CDH19: variants seen among roughly 807,000 people sequenced by gnomAD.
CDH19 encodes the protein cadherin-19.
CDH19 carries 67 observed loss-of-function variants against 64.2 expected under a neutral mutation model. That is an observed-to-expected ratio of 1.04 (90% CI 0.86 to 1.28). The LOEUF is 1.28. CDH19 is among the 50% of genes most tolerant of loss of function. The pLI is 0.00. For synonymous variants in CDH19, 346 were observed against 319.3 expected, an observed-to-expected ratio of 1.08 and a Z score of -0.89; for missense variants, 1,030 against 929.0, an observed-to-expected ratio of 1.11 and a Z score of -1.41.
chr18:66,534,454 G>T (rs937821921), intron 8 of CDH19, among the ~76,000 whole-genome samples: 2 of 151,936 alleles, frequency 1.3e-5, no homozygotes, highest in East Asian at 3.9e-4. Flanking sequence ...AAAATTCTAT[G>T]TAAAATCAGC....
chr18:66,570,996 G>A (rs1239202798), intron 2 of CDH19, among the ~76,000 whole-genome samples: 2 of 151,652 alleles, frequency 1.3e-5, no homozygotes, highest in Non-Finnish European at 3.0e-5. Context: ...GCACCTAACT[G>A]TGGACCTTCT....
chr18:66,586,942 T>A (rs929845134), intron 1 of CDH19, among the ~76,000 whole-genome samples: 1 of 152,136 alleles, frequency 6.6e-6, no homozygotes, highest in Non-Finnish European at 1.5e-5. Context: ...ATTAACATTT[T>A]AATTTTATTA....
At chr18:66,545,318 C>T (rs990107336) in intron 5 of CDH19, among the ~76,000 whole-genome samples, 1 of 151,846 alleles carries the variant, frequency 6.6e-6, no homozygotes, top group Non-Finnish European at 1.5e-5. Context: ...TAGGGAATCC[C>T]GTATCTACCT....
intron 9 of CDH19, among the ~76,000 whole-genome samples, chr18:66,519,952 G>A (rs923414350): frequency 6.6e-6 from 1 of 152,130 alleles, no homozygotes; most frequent in East Asian, 1.9e-4. Context: ...TTGGGAGGCC[G>A]AGGCAGGCGG....
intron 1 of CDH19, among the ~76,000 whole-genome samples, chr18:66,588,639 G>T (rs201276339): frequency 0.2 from 20,623 of 105,608 alleles, 4,159 homozygotes; most frequent in Non-Finnish European, 0.32. Flanking sequence ...TATATATATA[G>T]ATACAGCTCA....
At chr18:66,560,543 G>GA (rs1161410910) in intron 3 of CDH19, among the ~76,000 whole-genome samples, 1 of 151,840 alleles carries the variant, frequency 6.6e-6, no homozygotes, top group Non-Finnish European at 1.5e-5. Context: ...AAGAAAAATA[G>GA]AGGGGGAAAA....
chr18:66,550,010 A>G (rs1987281330), intron 5 of CDH19, among the ~76,000 whole-genome samples: 1 of 152,120 alleles, frequency 6.6e-6, no homozygotes, highest in South Asian at 2.1e-4. Context: ...GATGAGGAAA[A>G]AAAAGTAATC....
chr18:66,583,591 T>C (rs1004715133), intron 1 of CDH19, among the ~76,000 whole-genome samples: 3 of 152,066 alleles, frequency 2.0e-5, no homozygotes, highest in East Asian at 3.9e-4. Context: ...AGACATGTGA[T>C]ATTTGGTTGC....
intron 8 of CDH19, among the ~76,000 whole-genome samples, chr18:66,533,461 A>C (rs540549015): frequency 1.3e-5 from 2 of 152,176 alleles, no homozygotes; most frequent in African/African-American, 4.8e-5. Context: ...TAAATAATTA[A>C]ATTGTATAAT....
At chr18:66,566,787 C>T (rs531714152) in intron 3 of CDH19, among the ~76,000 whole-genome samples, 32 of 151,818 alleles carry the variant, frequency 2.1e-4, no homozygotes, top group Non-Finnish European at 4.1e-4. Flanking sequence ...ATTTGCCAGC[C>T]GACTGCTTTT....
intron 3 of CDH19, among the ~76,000 whole-genome samples, chr18:66,566,335 G>C (rs372841879): frequency 2.8e-3 from 229 of 83,220 alleles, no homozygotes; most frequent in African/African-American, 0.011. Flanking sequence ...CTTTTACTTT[G>C]CTTCAAATAA....
At chr18:66,583,673 A>G (rs1988490080) in intron 1 of CDH19, among the ~76,000 whole-genome samples, 1 of 152,076 alleles carries the variant, frequency 6.6e-6, no homozygotes, top group Non-Finnish European at 1.5e-5. Flanking sequence ...CACGTAGACC[A>G]AGGAAACAGA....
chr18:66,518,127 G>A (rs915838692), intron 9 of CDH19, among the ~76,000 whole-genome samples: 5 of 151,836 alleles, frequency 3.3e-5, no homozygotes, highest in Non-Finnish European at 7.4e-5. Flanking sequence ...TTTGATTATC[G>A]ATTGAGGACT....
chr18:66,584,442 G>A (rs181315148), intron 1 of CDH19, among the ~76,000 whole-genome samples: 5 of 152,182 alleles, frequency 3.3e-5, no homozygotes, highest in Admixed American at 2.0e-4. Flanking sequence ...ATTGTGGAAA[G>A]CAGTAAGGCA....
At chr18:66,534,482 C>T (rs1986580678) in intron 8 of CDH19, among the ~76,000 whole-genome samples, 1 of 151,908 alleles carries the variant, frequency 6.6e-6, no homozygotes, top group African/African-American at 2.4e-5. Flanking sequence ...AAAGATGCAT[C>T]TGAGAATATT....
At chr18:66,522,433 A>C (rs1320334471) in intron 9 of CDH19, among the ~76,000 whole-genome samples, 1 of 151,960 alleles carries the variant, frequency 6.6e-6, no homozygotes, top group African/African-American at 2.4e-5. Flanking sequence ...TATTTTTAGT[A>C]GAGACGGGGG....
At chr18:66,535,843 AATATATGTATGT>A (rs1173675866) in intron 7 of CDH19, among the ~76,000 whole-genome samples, 1 of 147,208 alleles carries the variant, frequency 6.8e-6, no homozygotes, top group African/African-American at 2.5e-5. Flanking sequence ...TATTACATAC[AATATATGTATGT>A]ATATATGTAT....
In CDH19 at chr18:66,504,039, A is replaced by G. The variant is rs1164210712; in HGVS notation, c.*773T>C. On this transcript the variant is annotated 3_prime_UTR_variant, in exon 12 of 12. Coordinates refer to ENST00000262150, the MANE Select transcript of CDH19 (RefSeq NM_021153.4). ...AAAATTGAGTAAATAAAATAACACTAAGATATCTTAATTCAGTGCCTTTCT... is the reference window on the plus strand; with the variant it reads ...AAAATTGAGTAAATAAAATAACACTGAGATATCTTAATTCAGTGCCTTTCT... 1.3e-5 allele frequency: 2 copies of G among 151,980 alleles called. No individual in the cohort carries two copies. Among genetic ancestry groups the G allele is most frequent in the African/African-American group, 2.4e-5 (1 of 41,456 alleles). The allele number at this position is 151,980 out of a possible 1,614,324, so 9.4% of individuals were successfully genotyped here.
chr18:66,555,357 G>T (rs1052676074), intron 3 of CDH19, among the ~76,000 whole-genome samples: 4 of 150,586 alleles, frequency 2.7e-5, no homozygotes, highest in Non-Finnish European at 4.5e-5. Context: ...CTGTGGTTTT[G>T]TTTACAACTA....
Sources: allele counts gnomAD v4.1 joint callset (sites outside exome capture counted in the v4.1 genomes callset), GRCh38; gene constraint gnomAD v4.1.1; transcripts MANE v1.5; gene names NCBI Gene and HGNC (gene_info 2026-07-23, HGNC 2026-07-21).